CFTR: variants seen among roughly 807,000 people sequenced by gnomAD.
CFTR encodes CF transmembrane conductance regulator.
Under a neutral mutation model 171.6 loss-of-function variants are expected in CFTR, and 181 were observed. That is an observed-to-expected ratio of 1.05 (90% CI 0.93 to 1.19). The LOEUF (loss-of-function observed/expected upper bound fraction) is 1.19. CFTR is among the 50% of genes most tolerant of loss of function. CFTR has a pLI of 0.00. For synonymous variants in CFTR, 583 were observed against 608.0 expected, an observed-to-expected ratio of 0.96 and a Z score of 0.60; for missense variants, 1,968 against 1,734.7, an observed-to-expected ratio of 1.13 and a Z score of -2.39.
At chr7:117,509,201 T>A in intron 3 of CFTR, 59 bp downstream of exon 3, 1 of 1,067,608 alleles carries the variant, frequency 9.4e-7, no homozygotes, top group South Asian at 1.3e-5. Flanking sequence ...TTTTTGTGAT[T>A]ATGAAAAGAC....
chr7:117,508,887 G>T (rs1798465217), intron 2 of CFTR, 147 bp from the exon 3 acceptor site: 1 of 669,006 alleles, frequency 1.5e-6, no homozygotes. Context: ...GTTTGGTGTT[G>T]TATGGTCTCC....
At chr7:117,545,168 G>A (rs1251985223) in intron 9 of CFTR, among the ~76,000 whole-genome samples, 1 of 152,242 alleles carries the variant, frequency 6.6e-6, no homozygotes, top group Non-Finnish European at 1.5e-5. Context: ...CATAGAACTT[G>A]TGCAGGGAAA....
rs749784731 is a variant in CFTR, at chr7:117,603,686, G to A, written c.2812G>A (p.Val938Met). ...AMGFFRGLPLVHTLITVSKIL... is the reference protein window; with the variant it reads ...AMGFFRGLPLMHTLITVSKIL... The stretch of plus-strand genomic sequence containing the variant: ...GGGATTCTTCAGAGGTCTACCACTG[G>A]TGCATACTCTAATCACAGTGTCGAA... Residue 938 changes from valine (V) to methionine (M), a missense_variant, in exon 17 of 27, where the codon GTG (valine) becomes ATG (methionine). Coordinates refer to ENST00000003084, the MANE Select transcript of CFTR (RefSeq NM_000492.4). The A allele has an allele frequency of 1.2e-6, 2 of 1,613,936 alleles. No individual in the cohort carries two copies. The highest frequency in any genetic ancestry group is 2.2e-5 in the East Asian group (1 of 44,892).
chr7:117,606,275 C>A (rs543677522), intron 17 of CFTR, among the ~76,000 whole-genome samples: 1 of 152,072 alleles, frequency 6.6e-6, no homozygotes, highest in East Asian at 1.9e-4. Context: ...GAAGGAGACC[C>A]CTATGTTATA....
At chr7:117,524,343 G>A (rs1423663249) in intron 3 of CFTR, among the ~76,000 whole-genome samples, 2 of 149,324 alleles carry the variant, frequency 1.3e-5, no homozygotes, top group East Asian at 2.0e-4. Flanking sequence ...CAGTGGCCTT[G>A]ACTGCAACTC....
intron 11 of CFTR, among the ~76,000 whole-genome samples, chr7:117,573,802 T>G (rs1672844419): frequency 6.6e-6 from 1 of 152,166 alleles, no homozygotes; most frequent in Non-Finnish European, 1.5e-5. Flanking sequence ...GATTTAAGAC[T>G]AAGGTTTTCA....
intron 10 of CFTR, among the ~76,000 whole-genome samples, chr7:117,557,563 C>T (rs1046436369): frequency 1.4e-5 from 2 of 147,022 alleles, no homozygotes; most frequent in African/African-American, 5.0e-5. Context: ...AAGAATATTG[C>T]TTTTTAAATT....
chr7:117,639,474 A>T (rs1792879204), intron 22 of CFTR, among the ~76,000 whole-genome samples: 1 of 152,026 alleles, frequency 6.6e-6, no homozygotes, highest in East Asian at 1.9e-4. Flanking sequence ...CTTCATGATA[A>T]ATCTGGACTT....
intron 12 of CFTR, among the ~76,000 whole-genome samples, chr7:117,589,791 T>C (rs1282912016): frequency 6.6e-6 from 1 of 152,050 alleles, no homozygotes; most frequent in Admixed American, 6.6e-5. Context: ...TGGTTAACAC[T>C]TAGAAAAACA....
rs193922532 is a variant in CFTR at position 117,536,629 on chromosome 7, C to G, written c.825C>G (p.Tyr275Ter). 1.2e-6 allele frequency: 2 copies of G among 1,611,502 alleles called. No homozygotes were observed. Among genetic ancestry groups the G allele is most frequent in the African/African-American group, 2.7e-5 (2 of 74,870 alleles). Residue 275 changes from tyrosine to a stop codon, truncating the protein, a stop_gained, in exon 7 of 27, where the codon TAC becomes TAG. Coordinates refer to ENST00000003084, the MANE Select transcript of CFTR (RefSeq NM_000492.4). LOFTEE classifies it high-confidence loss of function. ...AAAATATCCAATCTGTTAAGGCATA[C>G]TGCTGGGAAGAAGCAATGGAAAAAA... ...MIENIQSVKA[Y>*]CWEEAMEKMI...
intron 24 of CFTR, among the ~76,000 whole-genome samples, chr7:117,654,484 AT>A (rs200541839): frequency 0.032 from 4,884 of 152,124 alleles, 114 homozygotes; most frequent in African/African-American, 0.033. Flanking sequence ...TTGAATTATA[AT>A]TTCCATAATC....
chr7:117,662,468 A>G (rs2116216333), intron 24 of CFTR, among the ~76,000 whole-genome samples: 2 of 152,296 alleles, frequency 1.3e-5, no homozygotes, highest in South Asian at 4.1e-4. Context: ...AGGCTCAGCA[A>G]TGGCATCACT....
At chr7:117,551,474 C>G (rs538507451) in intron 10 of CFTR, among the ~76,000 whole-genome samples, 3 of 152,204 alleles carry the variant, frequency 2.0e-5, no homozygotes. Context: ...TACTTTGTTA[C>G]TTTACTGATA....
intron 6 of CFTR, among the ~76,000 whole-genome samples, chr7:117,535,680 G>C (rs948742880): frequency 6.6e-6 from 1 of 151,632 alleles, no homozygotes; most frequent in African/African-American, 2.4e-5. Flanking sequence ...GATTAGAGGC[G>C]CATGCCACCA....
Position 117,610,770 on chromosome 7 carries a change from C to G in CFTR, c.3139+101C>G, listed in dbSNP as rs397508502. 975 of 1,243,954 alleles carry G rather than the reference C, an allele frequency of 7.8e-4. 1 individual carries two copies. Among genetic ancestry groups the G allele is most frequent in the Non-Finnish European group, 8.3e-4 (726 of 875,550 alleles). The allele number at this position is 1,243,954 out of a possible 1,614,324, so 77.1% of individuals were successfully genotyped here. A position where few individuals can be genotyped will look rare whatever the true frequency, so the allele number is the denominator to read the frequency against. On this transcript the variant is annotated intron_variant, in intron 19 of 26. Coordinates refer to ENST00000003084, the MANE Select transcript of CFTR (RefSeq NM_000492.4). ...ACTTAAAAAAAATTCTGCTTTTAAA[C>G]TTTTACATCATATAACAATAATTTT...
At chr7:117,602,929 C>G in intron 16 of CFTR, 66 bp downstream of exon 16, 2 of 1,328,096 alleles carry the variant, frequency 1.5e-6, no homozygotes, top group Non-Finnish European at 2.2e-6. Flanking sequence ...TTGTAATCCA[C>G]TATGTTTGTA....
At chr7:117,620,252 C>T (rs1299476227) in intron 21 of CFTR, among the ~76,000 whole-genome samples, 1 of 152,174 alleles carries the variant, frequency 6.6e-6, no homozygotes, top group Admixed American at 6.5e-5. Flanking sequence ...GCATTCTACT[C>T]TGGCCTTGCC....
At chr7:117,570,646 T>C (rs921549991) in intron 11 of CFTR, among the ~76,000 whole-genome samples, 1 of 152,226 alleles carries the variant, frequency 6.6e-6, no homozygotes, top group Non-Finnish European at 1.5e-5. Context: ...TAACTACTTA[T>C]CTTTTTGCTA....
Position 117,651,870 on chromosome 7 carries a change from A to T in CFTR, c.3874-972A>T, listed in dbSNP as rs1001050255. ...TTCCTTGTGGACCAGATGGCCACTA[A>T]ATATTCTCATTTCAAGGCAATTGGT... On this transcript the variant is annotated intron_variant, in intron 23 of 26. Transcript: ENST00000003084. Among the ~76,000 whole-genome samples, 5 of 152,136 alleles carry T rather than the reference A, an allele frequency of 3.3e-5. No homozygotes were observed. The East Asian group carries it at 9.6e-4, about 29-fold the overall frequency.
Sources: allele counts gnomAD v4.1 joint callset (sites outside exome capture counted in the v4.1 genomes callset), GRCh38; gene constraint gnomAD v4.1.1; transcripts MANE v1.5; gene names NCBI Gene and HGNC (gene_info 2026-07-23, HGNC 2026-07-21).